The following FBN1 variants were observed in gnomAD, a reference collection of about 807,000 sequenced individuals.
FBN1 encodes fibrillin 1.
FBN1 carries 29 observed loss-of-function variants against 365.1 expected under a neutral mutation model. That is an observed-to-expected ratio of 0.08 (90% CI 0.06 to 0.11). The LOEUF (loss-of-function observed/expected upper bound fraction) is 0.11, where lower values mean the gene tolerates loss of function less well. Among genes scored for constraint, FBN1 ranks in the 10% least tolerant of loss-of-function variants. The probability of loss-of-function intolerance (pLI) is 1.00; values close to 1 mark genes in which losing one functional copy is unlikely to be tolerated. For missense variants in FBN1, 2,476 were observed against 3,703.2 expected, an observed-to-expected ratio of 0.67 and a Z score of 8.60; for synonymous variants, 1,210 against 1,270.5, an observed-to-expected ratio of 0.95 and a Z score of 1.01.
At chr15:48,610,906 A>G in intron 3 of FBN1, 80 bp from the exon 4 acceptor site, 1 of 1,210,074 alleles carries the variant, frequency 8.3e-7, no homozygotes, top group South Asian at 1.3e-5. Flanking sequence ...AAATGAGGAA[A>G]CCTGGGTTCT....
At chr15:48,633,356 T>A (rs1163681464) in intron 2 of FBN1, among the ~76,000 whole-genome samples, 1 of 152,210 alleles carries the variant, frequency 6.6e-6, no homozygotes, top group Admixed American at 6.5e-5. Context: ...GCCAGCAAGT[T>A]ACACAACAAG....
chr15:48,493,509 T>C (rs2043578785), intron 23 of FBN1, among the ~76,000 whole-genome samples: 1 of 152,188 alleles, frequency 6.6e-6, no homozygotes, highest in South Asian at 2.1e-4. Context: ...TACAACAAAA[T>C]ATGCTGCTGA....
intron 46 of FBN1, 125 bp from the exon 47 acceptor site, chr15:48,446,947 G>A (rs1300450467): frequency 1.5e-6 from 1 of 687,742 alleles, no homozygotes; most frequent in African/African-American, 1.8e-5. Context: ...ACTTCTTGAT[G>A]TTGGTATCAG....
intron 32 of FBN1, among the ~76,000 whole-genome samples, chr15:48,481,271 T>C (rs535952541): frequency 1.3e-5 from 2 of 152,320 alleles, no homozygotes; most frequent in South Asian, 4.1e-4. Context: ...ATTCCAGTTA[T>C]AAACCTTAAA....
At chr15:48,578,043 C>CA (rs890732444) in intron 6 of FBN1, among the ~76,000 whole-genome samples, 32 of 146,922 alleles carry the variant, frequency 2.2e-4, no homozygotes, top group South Asian at 1.1e-3. Flanking sequence ...ATGCAATCTA[C>CA]AAAAAAAAAA....
At chr15:48,573,478 T>C (rs1348110984) in intron 6 of FBN1, among the ~76,000 whole-genome samples, 2 of 152,196 alleles carry the variant, frequency 1.3e-5, no homozygotes, top group Non-Finnish European at 2.9e-5. Flanking sequence ...GGACAATGGC[T>C]AAATTTTAAA....
intron 24 of FBN1, among the ~76,000 whole-genome samples, chr15:48,491,669 C>A (rs904724587): frequency 6.6e-6 from 1 of 152,068 alleles, no homozygotes; most frequent in Non-Finnish European, 1.5e-5. Flanking sequence ...TAACTACCTA[C>A]AATAGTCTTC....
intron 55 of FBN1, among the ~76,000 whole-genome samples, chr15:48,432,257 G>A (rs2043028364): frequency 6.6e-6 from 1 of 152,138 alleles, no homozygotes; most frequent in Admixed American, 6.5e-5. Context: ...ACGCCATCTT[G>A]AGAGAACAGG....
At chr15:48,510,221 T>C in intron 13 of FBN1, 52 bp from the exon 14 acceptor site, 1 of 1,584,574 alleles carries the variant, frequency 6.3e-7, no homozygotes, top group South Asian at 1.1e-5. Context: ...GGAGTTAAAA[T>C]TATTTTATTT....
intron 12 of FBN1, among the ~76,000 whole-genome samples, chr15:48,514,207 A>G (rs966993822): frequency 2.4e-4 from 36 of 152,220 alleles, no homozygotes; most frequent in African/African-American, 7.0e-4. Context: ...ACAGTCACTT[A>G]GAATTATCAG....
chr15:48,509,920 G>C (rs888284605), intron 14 of FBN1, 124 bp downstream of exon 14: 15 of 1,046,828 alleles, frequency 1.4e-5, no homozygotes, highest in South Asian at 4.3e-5. Flanking sequence ...GCTTCCTTTT[G>C]AGATAAAATA....
At chr15:48,595,446 GA>G (rs376641265) in intron 6 of FBN1, among the ~76,000 whole-genome samples, 1 of 151,944 alleles carries the variant, frequency 6.6e-6, no homozygotes. Context: ...GGGATGATGA[GA>G]AAAAAATCTA....
chr15:48,512,665 T>C (rs1292521113), intron 13 of FBN1, among the ~76,000 whole-genome samples: 2 of 152,238 alleles, frequency 1.3e-5, no homozygotes. Context: ...TCATTCTTTT[T>C]TATGGCTGCA....
At chr15:48,644,425 T>C in intron 2 of FBN1, 181 bp downstream of exon 2, 1 of 782,908 alleles carries the variant, frequency 1.3e-6, no homozygotes, top group Non-Finnish European at 2.1e-6. Flanking sequence ...CAGAAATCTC[T>C]GGGAGTAGGG....
At chr15:48,437,686 C>A in intron 51 of FBN1, 82 bp downstream of exon 51, 1 of 1,400,538 alleles carries the variant, frequency 7.1e-7, no homozygotes, top group South Asian at 1.2e-5. Context: ...GTGTTACTGT[C>A]TTTAAGGCCT....
intron 63 of FBN1, among the ~76,000 whole-genome samples, chr15:48,417,614 C>T (rs73390293): frequency 0.025 from 3,735 of 152,130 alleles, 80 homozygotes; most frequent in East Asian, 0.082. Flanking sequence ...GTCACTTAGG[C>T]TCCAGGGCTC....
intron 22 of FBN1, 125 bp from the exon 23 acceptor site, chr15:48,494,379 T>C (rs2043586205): frequency 2.7e-6 from 2 of 753,764 alleles, no homozygotes; most frequent in East Asian, 5.1e-5. Flanking sequence ...ATTGTGTTGC[T>C]ATAAGTATGA....
intron 42 of FBN1, 71 bp from the exon 43 acceptor site, chr15:48,460,388 A>T (rs1189861287): frequency 2.1e-6 from 2 of 937,348 alleles, no homozygotes; most frequent in Non-Finnish European, 3.5e-6. Context: ...ACTGAAAAAA[A>T]TTATTTTGTA....
chr15:48,628,593 A>G (rs912162264), intron 2 of FBN1, among the ~76,000 whole-genome samples: 1 of 152,228 alleles, frequency 6.6e-6, no homozygotes, highest in Non-Finnish European at 1.5e-5. Context: ...ACAATTTCAT[A>G]GCTCATAATA....
Sources: allele counts gnomAD v4.1 joint callset (sites outside exome capture counted in the v4.1 genomes callset), GRCh38; gene constraint gnomAD v4.1.1; transcripts MANE v1.5; gene names NCBI Gene and HGNC (gene_info 2026-07-23, HGNC 2026-07-21).